PPA2: variants seen among roughly 807,000 people sequenced by gnomAD.
PPA2 encodes the protein inorganic pyrophosphatase 2.
In PPA2, 48 loss-of-function variants were observed where a neutral mutation model predicts 49.5. The observed-to-expected ratio is 0.97, with a 90% CI of 0.77 to 1.23. The LOEUF (loss-of-function observed/expected upper bound fraction) is 1.23, where lower values mean the gene tolerates loss of function less well. Among genes scored for constraint, PPA2 ranks in the 50% most tolerant of loss-of-function variants. PPA2 has a pLI of 0.00. For synonymous variants in PPA2, 131 were observed against 139.9 expected (o/e 0.94, Z 0.45); for missense variants, 429 against 410.1 (o/e 1.05, Z -0.40).
intron 9 of PPA2, among the ~76,000 whole-genome samples, chr4:105,390,001 A>G (rs1365221750): frequency 6.6e-6 from 1 of 152,178 alleles, no homozygotes; most frequent in African/African-American, 2.4e-5. Flanking sequence ...CCCAGAAATA[A>G]CACCACACAT....
At chr4:105,451,904 T>C (rs929626516) in intron 3 of PPA2, among the ~76,000 whole-genome samples, 1 of 152,194 alleles carries the variant, frequency 6.6e-6, no homozygotes, top group African/African-American at 2.4e-5. Context: ...GTTAGCCTGG[T>C]TTTCCTAAGA....
At chr4:105,418,231 A>G (rs539062130) in intron 7 of PPA2, among the ~76,000 whole-genome samples, 60 of 152,354 alleles carry the variant, frequency 3.9e-4, no homozygotes, top group Non-Finnish European at 6.6e-4. Context: ...GTTACAAAAC[A>G]TGAATATTTT....
intron 5 of PPA2, among the ~76,000 whole-genome samples, chr4:105,440,555 C>T (rs76554015): frequency 0.038 from 5,797 of 152,220 alleles, 337 homozygotes; most frequent in African/African-American, 0.12. Context: ...GCCACTGCGC[C>T]GGCCAATAAG....
At chr4:105,411,677 A>G (rs1722764037) in intron 7 of PPA2, among the ~76,000 whole-genome samples, 1 of 152,224 alleles carries the variant, frequency 6.6e-6, no homozygotes, top group South Asian at 2.1e-4. Flanking sequence ...ACATGATTGT[A>G]TATTTAGAAA....
chr4:105,451,170 T>C (rs559148034), intron 3 of PPA2, among the ~76,000 whole-genome samples: 1 of 152,318 alleles, frequency 6.6e-6, no homozygotes, highest in South Asian at 2.1e-4. Flanking sequence ...CTTATTTTTA[T>C]AGGCTCTCCA....
chr4:105,426,569 G>A (rs1025244564), intron 6 of PPA2, among the ~76,000 whole-genome samples: 9 of 152,338 alleles, frequency 5.9e-5, no homozygotes, highest in Middle Eastern at 6.8e-3. Flanking sequence ...TGCCCACAGA[G>A]CCTTGCTCAC....
intron 7 of PPA2, among the ~76,000 whole-genome samples, chr4:105,402,230 G>A (rs114071953): frequency 0.012 from 1,746 of 151,356 alleles, 26 homozygotes; most frequent in African/African-American, 0.04. Flanking sequence ...AACATAGTGA[G>A]ACCCCATCTA....
At chr4:105,407,299 T>C (rs548896751) in intron 7 of PPA2, among the ~76,000 whole-genome samples, 1 of 152,310 alleles carries the variant, frequency 6.6e-6, no homozygotes, top group South Asian at 2.1e-4. Flanking sequence ...TCTCTTACTT[T>C]CTTTAAAAAA....
intron 7 of PPA2, among the ~76,000 whole-genome samples, chr4:105,410,180 A>G (rs2110248787): frequency 6.6e-6 from 1 of 152,338 alleles, no homozygotes; most frequent in South Asian, 2.1e-4. Flanking sequence ...AGGTTACACA[A>G]ATGGATAACT....
intron 2 of PPA2, chr4:105,453,966 A>C (rs376725510): frequency 8.3e-5 from 17 of 205,358 alleles, no homozygotes; most frequent in African/African-American, 3.9e-4. Context: ...ATTATGCTTA[A>C]AACAGTCATT....
intron 10 of PPA2, among the ~76,000 whole-genome samples, chr4:105,373,933 A>G (rs1037071867): frequency 6.6e-6 from 1 of 152,128 alleles, no homozygotes; most frequent in Non-Finnish European, 1.5e-5. Flanking sequence ...AACATCAGCT[A>G]TTTGACTCTT....
At chr4:105,446,629 A>T (rs1019865397) in intron 4 of PPA2, 127 bp from the exon 5 acceptor site, 1 of 1,171,812 alleles carries the variant, frequency 8.5e-7, no homozygotes, top group Non-Finnish European at 1.2e-6. Flanking sequence ...ATGATCAAAG[A>T]TGCTTTAAAA....
chr4:105,449,517 A>G, intron 3 of PPA2, 114 bp from the exon 4 acceptor site: 1 of 607,136 alleles, frequency 1.6e-6, no homozygotes, highest in Non-Finnish European at 2.8e-6. Context: ...AAAAATGTTG[A>G]GTCTCCATCA....
chr4:105,461,468 C>T (rs1031118386), intron 1 of PPA2, among the ~76,000 whole-genome samples: 5 of 152,156 alleles, frequency 3.3e-5, no homozygotes, highest in Non-Finnish European at 7.4e-5. Flanking sequence ...GTCAGACTTT[C>T]GGTTGGTATC....
chr4:105,398,946 T>C lies in PPA2; in HGVS notation c.783+91A>G, dbSNP rs1734250609. 2.9e-6 allele frequency: 4 copies of C among 1,385,266 alleles called. No homozygotes were observed. The East Asian group carries it at 9.3e-5, about 32-fold the overall frequency. 85.8% of individuals were successfully genotyped at this position (1,385,266 alleles called of 1,614,324 possible). On this transcript the variant is annotated intron_variant, in intron 8 of 11. Coordinates refer to ENST00000341695, the MANE Select transcript of PPA2 (RefSeq NM_176869.3). ...AAAGCACTTTTTTAACCATGCTATA[T>C]ATACATATTCACATAAGAAACTTCC... is the stretch of plus-strand genomic sequence containing the variant.
chr4:105,386,610 G>A lies in PPA2; in HGVS notation c.896C>T (p.Pro299Leu). ...TGCTTCCTCTTGAGTGCAACGGAAA[G>A]GGCTATCAGATATCTGCACGTTTGT... Reference protein sequence around the residue: ...NCTNVQISDSPFRCTQEEARS... With the variant: ...NCTNVQISDSLFRCTQEEARS... Residue 299 changes from proline to leucine, a missense_variant, in exon 10 of 12, where the codon CCT (proline) becomes CTT (leucine). Pro to Leu is a moderately conservative substitution (Grantham distance 98). Transcript: ENST00000341695. The A allele has an allele frequency of 6.2e-7, 1 of 1,612,650 alleles. No individual in the cohort carries two copies. Among genetic ancestry groups the A allele is most frequent in the Middle Eastern group, 1.7e-4 (1 of 6,046 alleles).
intron 10 of PPA2, among the ~76,000 whole-genome samples, chr4:105,383,796 G>A (rs1353603272): frequency 1.3e-5 from 2 of 151,802 alleles, no homozygotes; most frequent in African/African-American, 2.4e-5. Flanking sequence ...ACAAATTTTG[G>A]GTCTTCTAAT....
chr4:105,434,660 T>G (rs1723964012), intron 6 of PPA2, among the ~76,000 whole-genome samples: 1 of 152,226 alleles, frequency 6.6e-6, no homozygotes, highest in Admixed American at 6.5e-5. Context: ...CTAAATTGTT[T>G]TATCTATTTT....
At chr4:105,405,184 T>C (rs908170763) in intron 7 of PPA2, 9 of 684,278 alleles carry the variant, frequency 1.3e-5, no homozygotes, top group Non-Finnish European at 1.6e-5. Flanking sequence ...TTATTTTAAT[T>C]TGTATAATGC....
Sources: gnomAD v4.1 joint callset for allele counts (sites outside exome capture counted in the v4.1 genomes callset) on GRCh38, gnomAD v4.1.1 for gene constraint, MANE v1.5 for transcripts, NCBI Gene and HGNC (gene_info 2026-07-23, HGNC 2026-07-21) for gene names.